Variants in BLCAP observed in about 807,000 individuals in gnomAD.
The protein encoded by BLCAP is BLCAP apoptosis inducing factor.
A neutral mutation model predicts 5.7 loss-of-function variants in BLCAP; 1 was observed. The observed-to-expected ratio is 0.18, with a 90% CI of 0.06 to 0.83. The LOEUF is 0.83. Among genes scored for constraint, BLCAP ranks in the 40% least tolerant of loss-of-function variants. The pLI is 0.71. For missense variants in BLCAP, 66 were observed against 107.6 expected, an observed-to-expected ratio of 0.61 and a Z score of 1.71; for synonymous variants, 48 against 49.4, an observed-to-expected ratio of 0.97 and a Z score of 0.11.
Position 37,521,400 on chromosome 20 carries a change from G to A in BLCAP, c.-176-2050C>T, listed in dbSNP as rs768425262. Reference sequence around the variant, plus strand: ...GCTGGTACATCTTCCGCGTGCTGCTGCAGGTAAGTCTGACGGGGTTTCGGG... The same window carrying A: ...GCTGGTACATCTTCCGCGTGCTGCTACAGGTAAGTCTGACGGGGTTTCGGG... On this transcript the variant is annotated intron_variant, in intron 1 of 1. Coordinates refer to ENST00000373537, the MANE Select transcript of BLCAP (RefSeq NM_006698.4). This position sits in a 1 kb window ranked among gnomAD's most constrained non-coding sequence, Gnocchi z 4.5. The A allele has an allele frequency of 2.5e-6, 4 of 1,614,136 alleles. No individual in the cohort carries two copies. The highest frequency in any genetic ancestry group is 3.4e-6 in the Non-Finnish European group (4 of 1,179,976).
At chr20:37,527,345 C>A (rs1439767142) in intron 1 of BLCAP, among the ~76,000 whole-genome samples, 1 of 149,982 alleles carries the variant, frequency 6.7e-6, no homozygotes, top group Admixed American at 6.6e-5. Context: ...CCCCTCACCC[C>A]CACGTCCCCC....
chr20:37,524,379 G>A (rs1191022831), intron 1 of BLCAP: 2 of 152,268 alleles, frequency 1.3e-5, no homozygotes, highest in African/African-American at 4.8e-5. Context: ...ATGCTTACCA[G>A]GTCCGTGGCC....
At chr20:37,526,483 C>A (rs1165401375) in intron 1 of BLCAP, among the ~76,000 whole-genome samples, 2 of 152,076 alleles carry the variant, frequency 1.3e-5, no homozygotes, top group Non-Finnish European at 2.9e-5. Flanking sequence ...CCCATGCATG[C>A]CCCAGCAGGA....
chr20:37,519,371 A>G, intron 1 of BLCAP, 21 bp from the exon 2 acceptor site: 1 of 386,368 alleles, frequency 2.6e-6, no homozygotes, highest in East Asian at 4.2e-5. Flanking sequence ...AAGTCAACAC[A>G]ACAGACAAAC....
At position 37,519,204 on chromosome 20, in the gene BLCAP, G is replaced by A. The variant is rs1429093969; in HGVS notation, c.-30C>T. ...TCTGCCGGGCAGGGCCTTCACCAAG[G>A]CTGCCGGGCACCGCTGCAGGAACCG... On this transcript the variant is annotated 5_prime_UTR_variant, in exon 2 of 2. Coordinates refer to ENST00000373537, the MANE Select transcript of BLCAP (RefSeq NM_006698.4). 1.3e-6 allele frequency: 2 copies of A among 1,550,510 alleles called. No individual in the cohort carries two copies. Among genetic ancestry groups the A allele is most frequent in the African/African-American group, 1.4e-5 (1 of 73,226 alleles).
chr20:37,518,991 A>T lies in BLCAP; in HGVS notation c.184T>A (p.Trp62Arg). 1 of 1,614,250 alleles carries T rather than the reference A, an allele frequency of 6.2e-7. No homozygotes were observed. Among genetic ancestry groups the T allele is most frequent in the Non-Finnish European group, 8.5e-7 (1 of 1,180,046 alleles). ...CAGTGGTACAGGAAACAGTTTCCCC[A>T]GCAGCTATAGCAGATAAGGAACAGG... ...AALFLICYSC[W>R]GNCFLYHCSD... The change falls in exon 2 of 2, where the codon TGG (tryptophan) becomes AGG (arginine). Residue 62 changes from tryptophan (W) to arginine (R), a missense_variant. Trp to Arg is a moderately radical substitution (Grantham distance 101, BLOSUM62 -3). Coordinates refer to ENST00000373537, the MANE Select transcript of BLCAP (RefSeq NM_006698.4).
In BLCAP at chr20:37,519,206, T is replaced by C; in HGVS notation, c.-32A>G. ...TGCCGGGCAGGGCCTTCACCAAGGCTGCCGGGCACCGCTGCAGGAACCGAC... is the reference window on the plus strand; with the variant it reads ...TGCCGGGCAGGGCCTTCACCAAGGCCGCCGGGCACCGCTGCAGGAACCGAC... On this transcript the variant is annotated 5_prime_UTR_variant, in exon 2 of 2. Transcript: ENST00000373537. 6.5e-7 allele frequency: 1 copy of C among 1,548,870 alleles called. No homozygotes were observed.
intron 1 of BLCAP, among the ~76,000 whole-genome samples, chr20:37,525,311 G>C (rs1315563963): frequency 6.6e-6 from 1 of 152,206 alleles, no homozygotes; most frequent in African/African-American, 2.4e-5. Context: ...CAAGTGACAA[G>C]GTAGCAGATT....
intron 1 of BLCAP, chr20:37,522,374 G>T (rs539681368): frequency 6.2e-7 from 1 of 1,613,850 alleles, no homozygotes; most frequent in Non-Finnish European, 8.5e-7. Context: ...CTGGAATGCT[G>T]CATTTACTGG....
chr20:37,525,142 CA>C, intron 1 of BLCAP, among the ~76,000 whole-genome samples: 1 of 152,308 alleles, frequency 6.6e-6, no homozygotes, highest in African/African-American at 2.4e-5. Flanking sequence ...CATATCTTGG[CA>C]GGCCTCAAAA....
rs2071579884 is a variant in BLCAP, at chr20:37,521,654, G to T, written c.-176-2304C>A. On this transcript the variant is annotated intron_variant, in intron 1 of 1. Transcript: ENST00000373537. The surrounding 1 kb of genome is among the most constrained non-coding windows in gnomAD (Gnocchi z 4.5). ...ACTCGGGGCGCGGCGGGCGACCGCT[G>T]CGGACGATCACCCAGGCATTTAGCG... 1 of 514,412 alleles carries T rather than the reference G, an allele frequency of 1.9e-6. No individual in the cohort carries two copies. The highest frequency in any genetic ancestry group is 3.5e-6 in the Non-Finnish European group (1 of 285,950). The allele number at this position is 514,412 out of a possible 1,614,324, so 31.9% of individuals were successfully genotyped here. A position where few individuals can be genotyped will look rare whatever the true frequency, so the allele number is the denominator to read the frequency against.
rs1003643351 is a variant in BLCAP, at chr20:37,518,914, G to C, written c.261C>G (p.Thr87=). The C allele has an allele frequency of 6.2e-7, 1 of 1,614,022 alleles. No homozygotes were observed. The highest frequency in any genetic ancestry group is 1.3e-5 in the African/African-American group (1 of 74,942). ...GGAAAGCTAACAGGGCAGGCCGTTA[G>C]GTGCCCACAACGCCGGGATCATGCG... The part of the protein sequence containing the change: ...ESAHDPGVVG[T] The change falls in exon 2 of 2, where the codon ACC becomes ACG. Residue 87 remains threonine (T), a synonymous_variant. Transcript: ENST00000373537.
chr20:37,527,516 G>C (rs1048700779), intron 1 of BLCAP: 2 of 152,292 alleles, frequency 1.3e-5, no homozygotes, highest in African/African-American at 2.4e-5. Flanking sequence ...GTCTCATCCT[G>C]CAAGGGCGCT....
At position 37,521,605 on chromosome 20, in the gene BLCAP, G is replaced by T; in HGVS notation, c.-176-2255C>A. On this transcript the variant is annotated intron_variant, in intron 1 of 1. Transcript: ENST00000373537. This position sits in a 1 kb window ranked among gnomAD's most constrained non-coding sequence, Gnocchi z 4.5. ...TCCTCGCGCTGACCCTCCCTAGTGC[G>T]CCCGCGCCTGCCAGGGAACAAAGAC... 1 of 570,492 alleles carries T rather than the reference G, an allele frequency of 1.8e-6. No individual in the cohort carries two copies. Among genetic ancestry groups the T allele is most frequent in the Non-Finnish European group, 3.1e-6 (1 of 321,748 alleles). 35.3% of individuals were successfully genotyped at this position (570,492 alleles called of 1,614,324 possible). A position where few individuals can be genotyped will look rare whatever the true frequency, so the allele number is the denominator to read the frequency against.
rs2071638075 is a variant in BLCAP at position 37,522,912 on chromosome 20, C to A, written c.-176-3562G>T. On this transcript the variant is annotated intron_variant, in intron 1 of 1. Transcript: ENST00000373537. The stretch of plus-strand genomic sequence containing the variant: ...AGGTCAGTGAGGGGCCAGTAGACCC[C>A]CGGAGAAGCAGTACCGACAATGACG... 4 of 617,856 alleles carry A rather than the reference C, an allele frequency of 6.5e-6. No individual in the cohort carries two copies. In the East Asian group the frequency reaches 1.1e-4, roughly 18 times the overall value. 38.3% of individuals were successfully genotyped at this position (617,856 alleles called of 1,614,324 possible).
At chr20:37,526,374 C>G (rs1038003724) in intron 1 of BLCAP, among the ~76,000 whole-genome samples, 3 of 150,282 alleles carry the variant, frequency 2.0e-5, no homozygotes, top group African/African-American at 7.4e-5. Context: ...CCCCCGGTAA[C>G]CTCTGACTTC....
Position 37,521,274 on chromosome 20 carries a change from G to A in BLCAP, c.-176-1924C>T. On this transcript the variant is annotated intron_variant, in intron 1 of 1. Transcript: ENST00000373537. This position sits in a 1 kb window ranked among gnomAD's most constrained non-coding sequence, Gnocchi z 4.5. ...CAGTGCGCCCAACAGCGGACTCCGAGACCAGCGGATCTCGGCAAACCCTCT... is the reference window on the plus strand; with the variant it reads ...CAGTGCGCCCAACAGCGGACTCCGAAACCAGCGGATCTCGGCAAACCCTCT... The A allele has an allele frequency of 6.3e-7, 1 of 1,578,310 alleles. No individual in the cohort carries two copies. Among genetic ancestry groups the A allele is most frequent in the East Asian group, 2.2e-5 (1 of 44,610 alleles).
chr20:37,523,809 T>C (rs2071673137), intron 1 of BLCAP: 1 of 152,100 alleles, frequency 6.6e-6, no homozygotes, highest in Non-Finnish European at 1.5e-5. Flanking sequence ...GCCATCAAAA[T>C]TGCAATAAGC....
intron 1 of BLCAP, chr20:37,522,782 C>A: frequency 6.4e-7 from 1 of 1,568,842 alleles, no homozygotes; most frequent in Non-Finnish European, 8.6e-7. Context: ...CAGCCCTGGG[C>A]GGCCGTATCA....
Sources: allele counts gnomAD v4.1 joint callset (sites outside exome capture counted in the v4.1 genomes callset), GRCh38; gene constraint gnomAD v4.1.1; non-coding constraint Gnocchi (gnomAD v3.1); transcripts MANE v1.5; gene names NCBI Gene and HGNC (gene_info 2026-07-23, HGNC 2026-07-21).